EXOC2: variants seen among roughly 807,000 people sequenced by gnomAD.
The protein encoded by EXOC2 is exocyst complex component 2, also known as SEC5-like 1.
Under a neutral mutation model 131.8 loss-of-function variants are expected in EXOC2, and 70 were observed. The ratio of observed to expected loss-of-function variants is 0.53; its 90% CI spans 0.44 to 0.65. The LOEUF is 0.65. Ranked by LOEUF, EXOC2 falls within the 30% of genes least tolerant of loss-of-function variation. The pLI, the probability that EXOC2 is intolerant of heterozygous loss-of-function variation, is 0.00. For missense variants in EXOC2, 923 were observed against 1,108.6 expected, an observed-to-expected ratio of 0.83 and a Z score of 2.38; for synonymous variants, 411 against 398.4, an observed-to-expected ratio of 1.03 and a Z score of -0.38.
chr6:665,910 T>G (rs1039719666), intron 1 of EXOC2, among the ~76,000 whole-genome samples: 1 of 152,138 alleles, frequency 6.6e-6, no homozygotes, highest in Admixed American at 6.5e-5. Flanking sequence ...ATACCACCTG[T>G]ACCCCAATAA....
At chr6:516,197 T>C (rs1188814004) in intron 23 of EXOC2, among the ~76,000 whole-genome samples, 1 of 152,236 alleles carries the variant, frequency 6.6e-6, no homozygotes, top group Non-Finnish European at 1.5e-5. Context: ...AGGGCAAAGA[T>C]ACTAATCAAG....
intron 22 of EXOC2, among the ~76,000 whole-genome samples, chr6:535,346 C>T (rs1581386042): frequency 6.6e-6 from 1 of 152,054 alleles, no homozygotes; most frequent in East Asian, 1.9e-4. Flanking sequence ...ATCTAGGTAA[C>T]AGAGCAAGAC....
intron 22 of EXOC2, among the ~76,000 whole-genome samples, chr6:536,334 AAT>A (rs1288905770): frequency 1.4e-5 from 2 of 145,330 alleles, no homozygotes; most frequent in African/African-American, 2.7e-5. Context: ...ATTTCTATAT[AAT>A]AGACATCGAA....
chr6:666,084 G>A (rs1354487255), intron 1 of EXOC2, among the ~76,000 whole-genome samples: 2 of 152,216 alleles, frequency 1.3e-5, no homozygotes, highest in Non-Finnish European at 2.9e-5. Flanking sequence ...GTAGAGCTGA[G>A]TAATAGCAAC....
intron 6 of EXOC2, among the ~76,000 whole-genome samples, chr6:614,330 C>T (rs894703613): frequency 8.5e-5 from 13 of 152,196 alleles, no homozygotes; most frequent in Non-Finnish European, 1.0e-4. Flanking sequence ...ATCTGGACAA[C>T]AAGGTTTGGG....
In EXOC2 at chr6:598,878, C is replaced by T. The variant is rs1336743537; in HGVS notation, c.952G>A (p.Val318Met). 2 of 1,611,334 alleles carry T rather than the reference C, an allele frequency of 1.2e-6. No homozygotes were observed. The highest frequency in any genetic ancestry group is 2.2e-5 in the South Asian group (2 of 89,986). Reference sequence around the variant, plus strand: ...ATCTTACATTTCTTGAAAACTTGCACCTCCGTTTTCCCAAAAAGTGACTTG... The same window carrying T: ...ATCTTACATTTCTTGAAAACTTGCATCTCCGTTTTCCCAAAAAGTGACTTG... ...KAKSLFGKTE[V>M]QVFKKYYAEV... Residue 318 changes from valine to methionine, a missense_variant, in exon 9 of 28, where the codon GTG (valine) becomes ATG (methionine). Physicochemically the swap from Val to Met is conservative, Grantham distance 21 (BLOSUM62 1). Coordinates refer to ENST00000230449, the MANE Select transcript of EXOC2 (RefSeq NM_018303.6).
chr6:562,691 C>CT (rs1333064965), intron 17 of EXOC2, 93 bp downstream of exon 17: 5 of 773,828 alleles, frequency 6.5e-6, no homozygotes, highest in Non-Finnish European at 7.7e-6. Context: ...TTTAGAGCTG[C>CT]AACACATGGA....
At chr6:574,879 A>G (rs1758490838) in intron 12 of EXOC2, among the ~76,000 whole-genome samples, 2 of 152,348 alleles carry the variant, frequency 1.3e-5, no homozygotes, top group South Asian at 4.1e-4. Context: ...CCTCTCCCCA[A>G]CAGTAGTTGG....
At chr6:656,615 G>A (rs1473287900) in intron 1 of EXOC2, 2 of 1,601,106 alleles carry the variant, frequency 1.2e-6, no homozygotes, top group Non-Finnish European at 1.7e-6. Flanking sequence ...CCGTGAGGGA[G>A]GGGCGGCGCT....
rs1346590352 is a variant in EXOC2 at position 549,185 on chromosome 6, T to G, written c.2228A>C (p.Lys743Thr). The change falls in exon 22 of 28, where the codon AAA becomes ACA. Residue 743 changes from lysine (K) to threonine (T), a missense_variant. Lys to Thr is a moderately conservative substitution (Grantham distance 78). Transcript: ENST00000230449. Reference sequence around the variant, plus strand: ...CATGAACTCGCTTACCTGTGTGATTTTTTCTATTCCCTGGAAGTTGTGCTT... The same window carrying G: ...CATGAACTCGCTTACCTGTGTGATTGTTTCTATTCCCTGGAAGTTGTGCTT... Reference protein sequence around the residue: ...FEKHNFQGIEKITQVSMASLK... With the variant: ...FEKHNFQGIETITQVSMASLK... 1.9e-6 allele frequency: 3 copies of G among 1,613,966 alleles called. No individual in the cohort carries two copies. The highest frequency in any genetic ancestry group is 1.7e-6 in the Non-Finnish European group (2 of 1,179,820).
intron 7 of EXOC2, 108 bp from the exon 8 acceptor site, chr6:599,333 T>G: frequency 3.8e-6 from 4 of 1,042,898 alleles, no homozygotes; most frequent in Non-Finnish European, 5.3e-6. Flanking sequence ...TAGTTTTACG[T>G]TAAAACTCAG....
Position 656,004 on chromosome 6 carries a change from C to T in EXOC2, c.-43-18143G>A, listed in dbSNP as rs985207905. The T allele has an allele frequency of 5.0e-6, 4 of 801,902 alleles. No homozygotes were observed. In the African/African-American group the frequency reaches 5.1e-5, roughly 10 times the overall value. The allele number at this position is 801,902 out of a possible 1,614,324, so 49.7% of individuals were successfully genotyped here. A position where few individuals can be genotyped will look rare whatever the true frequency, so the allele number is the denominator to read the frequency against. On this transcript the variant is annotated intron_variant, in intron 1 of 27. Coordinates refer to ENST00000230449, the MANE Select transcript of EXOC2 (RefSeq NM_018303.6). ...AGGGCTCAACAAAATATACGCCCTG[C>T]ATAAGTCAGTGAAGGTCCAAATTTT...
chr6:553,390 A>AGT (rs34996425), intron 21 of EXOC2, among the ~76,000 whole-genome samples: 54,300 of 149,708 alleles, frequency 0.36, 9,897 homozygotes, highest in East Asian at 0.43. Context: ...TTTGTGTATA[A>AGT]GTGTGTGTGT....
chr6:615,510 T>C (rs1760948750), intron 6 of EXOC2, among the ~76,000 whole-genome samples: 1 of 152,084 alleles, frequency 6.6e-6, no homozygotes, highest in Non-Finnish European at 1.5e-5. Context: ...CCAGGACAAA[T>C]GACCTTGTTT....
chr6:572,257 T>C (rs1758327034), intron 13 of EXOC2, among the ~76,000 whole-genome samples: 1 of 152,200 alleles, frequency 6.6e-6, no homozygotes, highest in African/African-American at 2.4e-5. Flanking sequence ...TTTTCTTTAA[T>C]TGCCTATCTC....
intron 2 of EXOC2, among the ~76,000 whole-genome samples, chr6:633,651 G>A (rs1761963492): frequency 6.6e-6 from 1 of 152,162 alleles, no homozygotes; most frequent in Non-Finnish European, 1.5e-5. Flanking sequence ...CAAGAGTCAG[G>A]TAATCTAGTG....
intron 1 of EXOC2, among the ~76,000 whole-genome samples, chr6:683,376 T>A (rs1269913735): frequency 2.0e-5 from 3 of 152,342 alleles, no homozygotes; most frequent in Non-Finnish European, 4.4e-5. Context: ...AAAATATTAC[T>A]AAGCTATTCA....
chr6:572,410 G>C, intron 13 of EXOC2, 110 bp downstream of exon 13: 1 of 1,334,700 alleles, frequency 7.5e-7, no homozygotes, highest in Non-Finnish European at 1.0e-6. Context: ...TATGACGATG[G>C]CTAGAGATGT....
intron 4 of EXOC2, 22 bp downstream of exon 4, chr6:629,813 C>G (rs1761752933): frequency 1.2e-6 from 2 of 1,608,012 alleles, no homozygotes; most frequent in Non-Finnish European, 8.5e-7. Flanking sequence ...ATAAAGAAGA[C>G]TGAAAGCAAG....
Sources: gnomAD v4.1 joint callset for allele counts (sites outside exome capture counted in the v4.1 genomes callset) on GRCh38, gnomAD v4.1.1 for gene constraint, MANE v1.5 for transcripts, NCBI Gene and HGNC (gene_info 2026-07-23, HGNC 2026-07-21) for gene names.